Variants in PTPRB observed in about 807,000 individuals in gnomAD.
The protein encoded by PTPRB is receptor-type tyrosine-protein phosphatase beta.
PTPRB carries 97 observed loss-of-function variants against 238.1 expected under a neutral mutation model. The ratio of observed to expected loss-of-function variants is 0.41; its 90% CI spans 0.35 to 0.48. The LOEUF (loss-of-function observed/expected upper bound fraction) is 0.48, where lower values mean the gene tolerates loss of function less well. Ranked by LOEUF, PTPRB falls within the 20% of genes least tolerant of loss-of-function variation. The probability of loss-of-function intolerance (pLI) is 0.30; values close to 1 mark genes in which losing one functional copy is unlikely to be tolerated. For missense variants in PTPRB, 2,292 were observed against 2,681.9 expected, an observed-to-expected ratio of 0.85 and a Z score of 3.21; for synonymous variants, 970 against 995.4, an observed-to-expected ratio of 0.97 and a Z score of 0.48.
At chr12:70,523,005 G>GGT (rs1232495618) in intron 33 of PTPRB, among the ~76,000 whole-genome samples, 6 of 151,408 alleles carry the variant, frequency 4.0e-5, no homozygotes, top group South Asian at 2.1e-4. Flanking sequence ...TGGAACTACA[G>GGT]GCACACGTCA....
At chr12:70,589,768 C>G (rs1255330503) in intron 8 of PTPRB, among the ~76,000 whole-genome samples, 196 bp downstream of exon 8, 1 of 142,390 alleles carries the variant, frequency 7.0e-6, no homozygotes, top group Non-Finnish European at 1.5e-5. Context: ...AATGGAGTTA[C>G]TAGTGGAAGT....
In PTPRB at chr12:70,560,547, T is replaced by C; in HGVS notation, c.4432+124A>G. ...TGTTGTCCCACAGTCCCTTCCCAAA[T>C]TCAGGGGCTAGCTCAGGGTATATCA... On this transcript the variant is annotated intron_variant, in intron 17 of 33. Transcript: ENST00000334414. The surrounding 1 kb of genome is among the most constrained non-coding windows in gnomAD (Gnocchi z 4.2). 7.7e-7 allele frequency: 1 copy of C among 1,299,832 alleles called. No homozygotes were observed. Among genetic ancestry groups the C allele is most frequent in the Non-Finnish European group, 1.0e-6 (1 of 955,672 alleles). The allele number at this position is 1,299,832 out of a possible 1,614,324, so 80.5% of individuals were successfully genotyped here. A position where few individuals can be genotyped will look rare whatever the true frequency, so the allele number is the denominator to read the frequency against.
At chr12:70,628,491 T>C (rs1051691136) in intron 2 of PTPRB, among the ~76,000 whole-genome samples, 1 of 152,222 alleles carries the variant, frequency 6.6e-6, no homozygotes, top group African/African-American at 2.4e-5. Flanking sequence ...TTTGCGTGAA[T>C]GTTTTTGAAA....
intron 14 of PTPRB, among the ~76,000 whole-genome samples, chr12:70,568,912 G>C (rs573430397): frequency 6.0e-4 from 92 of 152,200 alleles, no homozygotes; most frequent in African/African-American, 2.2e-3. Context: ...AGTATGGCTA[G>C]AGATCTTTCA....
At chr12:70,559,289 AC>A in intron 18 of PTPRB, 53 bp downstream of exon 18, 1 of 1,520,780 alleles carries the variant, frequency 6.6e-7, no homozygotes, top group South Asian at 1.1e-5. Context: ...AAGATGTTGA[AC>A]ATATACTTCC....
At chr12:70,545,170 G>A (rs1486959494) in intron 21 of PTPRB, among the ~76,000 whole-genome samples, 1 of 152,136 alleles carries the variant, frequency 6.6e-6, no homozygotes, top group Non-Finnish European at 1.5e-5. Context: ...CACATGTTCT[G>A]GATGGGGAAC....
intron 3 of PTPRB, among the ~76,000 whole-genome samples, 159 bp from the exon 4 acceptor site, chr12:70,609,498 G>A (rs1389373359): frequency 6.6e-6 from 1 of 152,198 alleles, no homozygotes; most frequent in Non-Finnish European, 1.5e-5. Flanking sequence ...AGGCTTGCAG[G>A]GGAGGTGGAT....
intron 27 of PTPRB, chr12:70,538,626 A>T (rs1874547030): frequency 2.1e-6 from 1 of 473,508 alleles, no homozygotes; most frequent in Admixed American, 3.5e-5. Context: ...GGTCTGCTTG[A>T]TGTCAGAGCC....
At chr12:70,606,479 G>C (rs1240007538) in intron 4 of PTPRB, among the ~76,000 whole-genome samples, 1 of 152,148 alleles carries the variant, frequency 6.6e-6, no homozygotes, top group Non-Finnish European at 1.5e-5. Context: ...GAATGATATA[G>C]AGATCATCTA....
At position 70,544,614 on chromosome 12, in the gene PTPRB, A is replaced by G. The variant is rs1592434634; in HGVS notation, c.5437T>C (p.Phe1813Leu). 2.5e-6 allele frequency: 4 copies of G among 1,609,862 alleles called. No individual in the cohort carries two copies. The highest frequency in any genetic ancestry group is 1.3e-5 in the African/African-American group (1 of 74,654). Residue 1813 changes from phenylalanine (F) to leucine (L), a missense_variant, in exon 22 of 34, where the codon TTC becomes CTC. Transcript: ENST00000334414. ...TQLFDEDLKE[F>L]TKPLYSDTFF... is the part of the protein sequence containing the mutation. ...GTGTCTGAATAGAGTGGCTTTGTGA[A>G]TTCCTTCAGGTCCTCATCAAAGAGC...
chr12:70,560,987 T>C lies in PTPRB; in HGVS notation c.4169-53A>G. The C allele has an allele frequency of 6.4e-7, 1 of 1,550,476 alleles. No individual in the cohort carries two copies. Among genetic ancestry groups the C allele is most frequent in the Non-Finnish European group, 8.9e-7 (1 of 1,126,514 alleles). ...GAACAAAACAGAAACACAGGCATTT[T>C]GGCCCACAGGTGAGAGTATATGCTA... On this transcript the variant is annotated intron_variant, in intron 16 of 33. Transcript: ENST00000334414. This position sits in a 1 kb window ranked among gnomAD's most constrained non-coding sequence, Gnocchi z 4.2.
In PTPRB at chr12:70,579,865, A is replaced by C. The variant is rs1315251878; in HGVS notation, c.2578+1171T>G. The stretch of plus-strand genomic sequence containing the variant: ...AAGTTAATGTCCTCTGGGTTCATTA[A>C]GTAGATGAGATTCATGATTTTGGAA... On this transcript the variant is annotated intron_variant, in intron 10 of 33. Coordinates refer to ENST00000334414, the MANE Select transcript of PTPRB (RefSeq NM_001109754.4). Among the ~76,000 whole-genome samples the C allele has an allele frequency of 2.0e-5, 3 of 152,242 alleles. No individual in the cohort carries two copies. In the East Asian group the frequency reaches 5.8e-4, roughly 29 times the overall value.
intron 20 of PTPRB, among the ~76,000 whole-genome samples, chr12:70,554,404 C>T (rs964326058): frequency 2.0e-5 from 3 of 152,164 alleles, no homozygotes; most frequent in Non-Finnish European, 2.9e-5. Context: ...AAATAACACA[C>T]AAGACCTCAA....
At position 70,519,014 on chromosome 12, in the gene PTPRB, A is replaced by G. The variant is rs540992221; in HGVS notation, c.*2475T>C. The G allele has an allele frequency of 6.6e-6, 1 of 152,282 alleles. No individual in the cohort carries two copies. The highest frequency in any genetic ancestry group is 1.5e-5 in the Non-Finnish European group (1 of 68,036). The allele number at this position is 152,282 out of a possible 1,614,324, so 9.4% of individuals were successfully genotyped here. A position where few individuals can be genotyped will look rare whatever the true frequency, so the allele number is the denominator to read the frequency against. On this transcript the variant is annotated 3_prime_UTR_variant, in exon 34 of 34. Transcript: ENST00000334414. The stretch of plus-strand genomic sequence containing the variant: ...CTTTTTTTTTCTCCTAAATTTAATA[A>G]ATAAGTCAATTATATATTTAGTCTT...
At position 70,563,409 on chromosome 12, in the gene PTPRB, A is replaced by T. The variant is rs1230713473; in HGVS notation, c.3905-302T>A. ...AGTCTTAAGATGCCAGTAGAAACAG[A>T]ACAGGACATCTGCCTTGATTTCGCC... On this transcript the variant is annotated intron_variant, in intron 15 of 33. Coordinates refer to ENST00000334414, the MANE Select transcript of PTPRB (RefSeq NM_001109754.4). 2.0e-5 allele frequency among the ~76,000 whole-genome samples: 3 copies of T among 152,170 alleles called. No homozygotes were observed. The South Asian group carries it at 6.2e-4, about 32-fold the overall frequency.
intron 22 of PTPRB, chr12:70,542,609 C>A (rs1875327814): frequency 6.9e-6 from 1 of 145,204 alleles, no homozygotes; most frequent in African/African-American, 2.6e-5. Context: ...TATATATGGC[C>A]TGGCGTGGTG....
intron 15 of PTPRB, among the ~76,000 whole-genome samples, chr12:70,564,990 A>C (rs1169059939): frequency 6.6e-6 from 1 of 151,694 alleles, no homozygotes; most frequent in African/African-American, 2.4e-5. Flanking sequence ...TACATCTTTT[A>C]CTTATTTATT....
chr12:70,634,234 T>A (rs1193138987), intron 2 of PTPRB, among the ~76,000 whole-genome samples: 2 of 152,110 alleles, frequency 1.3e-5, no homozygotes, highest in Admixed American at 6.6e-5. Flanking sequence ...ATTACCATGG[T>A]GGAAAGACTA....
intron 2 of PTPRB, among the ~76,000 whole-genome samples, chr12:70,633,453 C>T (rs1049768767): frequency 2.0e-5 from 3 of 151,414 alleles, no homozygotes; most frequent in Admixed American, 1.3e-4. Context: ...AAACAAAAAC[C>T]AAAGAAAAAA....
Sources: gnomAD v4.1 joint callset for allele counts (sites outside exome capture counted in the v4.1 genomes callset) on GRCh38, gnomAD v4.1.1 for gene constraint, Gnocchi (gnomAD v3.1) non-coding constraint, MANE v1.5 for transcripts, NCBI Gene and HGNC (gene_info 2026-07-23, HGNC 2026-07-21) for gene names.